The following MAPT variants were observed in gnomAD, a reference collection of about 807,000 sequenced individuals.
MAPT encodes the protein microtubule-associated protein tau.
MAPT carries 34 observed loss-of-function variants against 67.9 expected under a neutral mutation model. The observed-to-expected ratio is 0.50, with a 90% confidence interval of 0.38 to 0.67. MAPT has a LOEUF of 0.67. Ranked by LOEUF, MAPT falls within the 30% of genes least tolerant of loss-of-function variation. MAPT has a pLI of 0.00. For missense variants in MAPT, 881 were observed against 1,115.2 expected (o/e 0.79, Z 2.99); for synonymous variants, 456 against 464.5 (o/e 0.98, Z 0.23).
chr17:45,982,664 C>G (rs1381610079), intron 4 of MAPT, among the ~76,000 whole-genome samples: 1 of 152,008 alleles, frequency 6.6e-6, no homozygotes, highest in African/African-American at 2.4e-5. Flanking sequence ...AGCCACCTAG[C>G]GAGCTGGTGG....
intron 8 of MAPT, chr17:45,993,873 C>A (rs2074263442): frequency 1.3e-6 from 2 of 1,533,326 alleles, no homozygotes; most frequent in Non-Finnish European, 1.8e-6. Flanking sequence ...CTCATTAAGG[C>A]CCTGTTTAAG....
At chr17:45,949,213 C>T (rs1339119563) in intron 1 of MAPT, among the ~76,000 whole-genome samples, 1 of 152,238 alleles carries the variant, frequency 6.6e-6, no homozygotes, top group Non-Finnish European at 1.5e-5. Context: ...TGGTGCGCGG[C>T]GGCGGAGCCC....
intron 1 of MAPT, among the ~76,000 whole-genome samples, chr17:45,904,136 TG>T (rs1342642786): frequency 1.4e-4 from 5 of 35,040 alleles, no homozygotes; most frequent in African/African-American, 2.9e-4. Flanking sequence ...ATATTATATA[TG>T]TATATATTAT....
intron 1 of MAPT, among the ~76,000 whole-genome samples, chr17:45,942,635 C>T (rs544327609): frequency 1.1e-4 from 17 of 152,338 alleles, no homozygotes; most frequent in Non-Finnish European, 1.9e-4. Context: ...CTAGGCAAAG[C>T]CCTCCCAATA....
At chr17:45,946,328 A>G (rs1189530593) in intron 1 of MAPT, among the ~76,000 whole-genome samples, 1 of 152,030 alleles carries the variant, frequency 6.6e-6, no homozygotes, top group Non-Finnish European at 1.5e-5. Context: ...TGGGCCAGGC[A>G]CGGTGGCTCA....
chr17:45,975,279 G>A (rs1281992809), intron 3 of MAPT: 2 of 152,352 alleles, frequency 1.3e-5, no homozygotes, highest in Admixed American at 6.5e-5. Flanking sequence ...TTCACCAGCA[G>A]TGGAGAGTAG....
chr17:45,974,786 C>T (rs2072144395), intron 3 of MAPT: 2 of 396,136 alleles, frequency 5.0e-6, no homozygotes, highest in East Asian at 5.3e-5. Flanking sequence ...GTGGCAGACC[C>T]GTGCCTTCTT....
chr17:45,987,657 T>C (rs760257123), intron 6 of MAPT, among the ~76,000 whole-genome samples: 11 of 152,230 alleles, frequency 7.2e-5, no homozygotes, highest in Non-Finnish European at 1.0e-4. Flanking sequence ...CCAGCATAAA[T>C]TCTGTCTGAA....
At chr17:45,899,537 G>A (rs1042051353) in intron 1 of MAPT, among the ~76,000 whole-genome samples, 1 of 152,224 alleles carries the variant, frequency 6.6e-6, no homozygotes, top group Admixed American at 6.5e-5. Context: ...GAGCCAGTGG[G>A]TGGTGGAGCT....
At chr17:45,946,615 A>AAAAAAAAATATATATATATAT in intron 1 of MAPT, among the ~76,000 whole-genome samples, 20 of 100,388 alleles carry the variant, frequency 2.0e-4, no homozygotes, top group Admixed American at 3.4e-4. Context: ...AAAAAAAAAA[A>AAAAAAAAATATATATATATAT]ATATATATAT....
At chr17:45,956,585 TATATATA>T (rs1568230923) in intron 1 of MAPT, among the ~76,000 whole-genome samples, 36 of 7,776 alleles carry the variant, frequency 4.6e-3, no homozygotes, top group Admixed American at 0.016. Context: ...TATATATATA[TATATATA>T]TATATATATT....
chr17:45,962,074 C>T (rs992522137), intron 1 of MAPT, among the ~76,000 whole-genome samples: 2 of 152,178 alleles, frequency 1.3e-5, no homozygotes, highest in Admixed American at 6.5e-5. Flanking sequence ...CATGCCTGGC[C>T]GTCACCTGGT....
At chr17:46,005,289 A>T (rs2075335319) in intron 9 of MAPT, among the ~76,000 whole-genome samples, 1 of 152,184 alleles carries the variant, frequency 6.6e-6, no homozygotes, top group Non-Finnish European at 1.5e-5. Context: ...GCTCAAAGTT[A>T]AATGTAATGA....
intron 8 of MAPT, chr17:45,994,119 G>C: frequency 1.4e-6 from 1 of 733,292 alleles, no homozygotes; most frequent in Non-Finnish European, 2.2e-6. Flanking sequence ...GGAGCAGTCC[G>C]AATTCTCTTC....
intron 4 of MAPT, chr17:45,980,072 G>A (rs539452395): frequency 6.6e-6 from 1 of 152,328 alleles, no homozygotes; most frequent in East Asian, 1.9e-4. Flanking sequence ...CTCCTGAAGA[G>A]GGCATGGGGG....
chr17:45,947,477 T>C (rs2068625755), intron 1 of MAPT, among the ~76,000 whole-genome samples: 2 of 141,118 alleles, frequency 1.4e-5, no homozygotes, highest in South Asian at 4.7e-4. Context: ...AACCACCACC[T>C]CCCGGGTTTA....
At chr17:45,959,787 A>G (rs2070181161) in intron 1 of MAPT, among the ~76,000 whole-genome samples, 1 of 152,232 alleles carries the variant, frequency 6.6e-6, no homozygotes, top group African/African-American at 2.4e-5. Flanking sequence ...ATCTAAAAAA[A>G]AAAAATTATG....
intron 9 of MAPT, among the ~76,000 whole-genome samples, chr17:46,008,642 G>C (rs188291900): frequency 6.6e-6 from 1 of 152,270 alleles, no homozygotes; most frequent in African/African-American, 2.4e-5. Flanking sequence ...AAATGAGTTA[G>C]ATATTGATTC....
At chr17:45,900,761 C>G (rs1415825774) in intron 1 of MAPT, among the ~76,000 whole-genome samples, 2 of 152,212 alleles carry the variant, frequency 1.3e-5, no homozygotes, top group East Asian at 3.8e-4. Flanking sequence ...CAAATCCCAG[C>G]TCCCTGCTCA....
Sources: allele counts gnomAD v4.1 joint callset (sites outside exome capture counted in the v4.1 genomes callset), GRCh38; gene constraint gnomAD v4.1.1; transcripts MANE v1.5; gene names NCBI Gene and HGNC (gene_info 2026-07-23, HGNC 2026-07-21).